The following KATNIP variants were observed in gnomAD, a reference collection of about 807,000 sequenced individuals.
The protein encoded by KATNIP is katanin interacting protein.
Under a neutral mutation model 174.0 loss-of-function variants are expected in KATNIP, and 126 were observed. The observed-to-expected ratio is 0.72, with a 90% confidence interval of 0.63 to 0.84. The LOEUF (loss-of-function observed/expected upper bound fraction) is 0.84. Ranked by LOEUF, KATNIP falls within the 40% of genes least tolerant of loss-of-function variation. KATNIP has a pLI of 0.00. For missense variants in KATNIP, 1,958 were observed against 2,109.7 expected, an observed-to-expected ratio of 0.93 and a Z score of 1.41; for synonymous variants, 810 against 835.7, an observed-to-expected ratio of 0.97 and a Z score of 0.53.
chr16:27,569,134 T>G (rs913759623), intron 1 of KATNIP, among the ~76,000 whole-genome samples: 5 of 152,256 alleles, frequency 3.3e-5, no homozygotes, highest in Admixed American at 2.0e-4. Flanking sequence ...AGCTATGTCC[T>G]GTAGACTGTA....
intron 1 of KATNIP, among the ~76,000 whole-genome samples, chr16:27,562,102 T>C (rs2089907675): frequency 6.6e-6 from 1 of 152,146 alleles, no homozygotes; most frequent in Admixed American, 6.6e-5. Flanking sequence ...ACTCAGGAGT[T>C]TGAGACCATC....
chr16:27,769,238 G>A (rs2082219562), intron 20 of KATNIP, among the ~76,000 whole-genome samples: 2 of 152,242 alleles, frequency 1.3e-5, no homozygotes, highest in Admixed American at 6.5e-5. Context: ...AGAAGCCACT[G>A]GGATGCTGCT....
intron 6 of KATNIP, among the ~76,000 whole-genome samples, chr16:27,653,328 G>GT (rs1292409432): frequency 1.3e-5 from 2 of 152,088 alleles, no homozygotes; most frequent in Non-Finnish European, 2.9e-5. Flanking sequence ...GGTGAGTCTG[G>GT]TTTTTTCTCA....
chr16:27,638,550 C>T (rs987770518), intron 5 of KATNIP, among the ~76,000 whole-genome samples: 3 of 152,110 alleles, frequency 2.0e-5, no homozygotes, highest in African/African-American at 7.2e-5. Flanking sequence ...GCAGCCAAGT[C>T]CCCAGTGGCC....
intron 5 of KATNIP, among the ~76,000 whole-genome samples, chr16:27,631,779 C>CA (rs1455823670): frequency 6.6e-6 from 1 of 152,172 alleles, no homozygotes; most frequent in African/African-American, 2.4e-5. Flanking sequence ...ATGTGCCAGG[C>CA]ACAGTTCTGG....
chr16:27,711,467 C>A (rs1342648175), intron 13 of KATNIP, among the ~76,000 whole-genome samples: 1 of 152,224 alleles, frequency 6.6e-6, no homozygotes, highest in Non-Finnish European at 1.5e-5. Context: ...GATAAAGCTT[C>A]ATTCCCTTAG....
At chr16:27,770,388 A>G (rs1237922208) in intron 21 of KATNIP, among the ~76,000 whole-genome samples, 1 of 152,202 alleles carries the variant, frequency 6.6e-6, no homozygotes, top group Non-Finnish European at 1.5e-5. Flanking sequence ...AAGGAGAAAA[A>G]TAGAGCTTAA....
intron 8 of KATNIP, among the ~76,000 whole-genome samples, chr16:27,692,419 G>A (rs1188854247): frequency 6.6e-6 from 1 of 152,136 alleles, no homozygotes; most frequent in African/African-American, 2.4e-5. Flanking sequence ...TATAATGCCA[G>A]GTGTCAGGGA....
At chr16:27,747,206 G>T (rs2081325032) in intron 15 of KATNIP, among the ~76,000 whole-genome samples, 1 of 152,190 alleles carries the variant, frequency 6.6e-6, no homozygotes. Flanking sequence ...AACCAGGGAG[G>T]TATAGTGGCT....
intron 14 of KATNIP, among the ~76,000 whole-genome samples, chr16:27,732,002 C>A (rs562627389): frequency 5.3e-5 from 8 of 152,168 alleles, no homozygotes; most frequent in Non-Finnish European, 7.3e-5. Flanking sequence ...CACATGTTAG[C>A]GCCGACCCGG....
chr16:27,653,507 C>T (rs1004710574), intron 6 of KATNIP, among the ~76,000 whole-genome samples: 2 of 151,976 alleles, frequency 1.3e-5, no homozygotes, highest in East Asian at 3.9e-4. Flanking sequence ...AGTTTCAATG[C>T]GTGGGGTTTA....
rs1234636680 is a variant in KATNIP at position 27,776,132 on chromosome 16, A to G, written c.4450-796A>G. ...CAGGCAACTGAGTTTGGAGACCCTC[A>G]CCCTGACCTTTATTGTTTCCATGGT... On this transcript the variant is annotated intron_variant, in intron 24 of 27. Transcript: ENST00000261588. This position sits in a 1 kb window ranked among gnomAD's most constrained non-coding sequence, Gnocchi z 4.7. Among the ~76,000 whole-genome samples the G allele has an allele frequency of 1.3e-5, 2 of 151,970 alleles. No homozygotes were observed. Among genetic ancestry groups the G allele is most frequent in the South Asian group, 4.2e-4 (2 of 4,810 alleles).
At chr16:27,558,258 G>C (rs1469696185) in intron 1 of KATNIP, among the ~76,000 whole-genome samples, 1 of 152,082 alleles carries the variant, frequency 6.6e-6, no homozygotes, top group East Asian at 1.9e-4. Flanking sequence ...TGATTCTCCT[G>C]CCTCAGCCTC....
intron 2 of KATNIP, among the ~76,000 whole-genome samples, chr16:27,607,731 G>A (rs527382475): frequency 2.8e-4 from 42 of 151,920 alleles, no homozygotes; most frequent in Admixed American, 2.0e-3. Context: ...CTGAATAGAT[G>A]GGATTACAGT....
intron 5 of KATNIP, 99 bp from the exon 6 acceptor site, chr16:27,648,505 C>G: frequency 7.0e-7 from 1 of 1,433,774 alleles, no homozygotes; most frequent in Non-Finnish European, 9.6e-7. Flanking sequence ...TATCTATGCC[C>G]ATAGATCCTG....
chr16:27,673,778 A>T (rs1309272062), intron 6 of KATNIP, among the ~76,000 whole-genome samples: 1 of 152,162 alleles, frequency 6.6e-6, no homozygotes, highest in South Asian at 2.1e-4. Context: ...CAAGGTAGGG[A>T]TTTGTTCATC....
rs560651182 is a variant in KATNIP at position 27,777,686 on chromosome 16, C to T, written c.4628C>T (p.Thr1543Ile). 5 of 1,613,934 alleles carry T rather than the reference C, an allele frequency of 3.1e-6. No homozygotes were observed. The highest frequency in any genetic ancestry group is 2.2e-5 in the East Asian group (1 of 44,880). The change falls in exon 26 of 28, where the codon ACA becomes ATA. Residue 1543 changes from threonine (T) to isoleucine (I), a missense_variant. By Grantham distance (89) the Thr-to-Ile change is moderately conservative. Transcript: ENST00000261588. This position sits in a 1 kb window ranked among gnomAD's most constrained non-coding sequence, Gnocchi z 4.4. ...VSHLVGGILP[T>I]CEPTVPYHTI... is the part of the protein sequence containing the mutation. ...CACCTGGTGGGGGGCATCCTGCCCACATGTGAGCCCACCGTGCCCTACCAC... is the reference window on the plus strand; with the variant it reads ...CACCTGGTGGGGGGCATCCTGCCCATATGTGAGCCCACCGTGCCCTACCAC...
At chr16:27,660,287 G>A (rs549823282) in intron 6 of KATNIP, among the ~76,000 whole-genome samples, 40 of 152,156 alleles carry the variant, frequency 2.6e-4, no homozygotes, top group Non-Finnish European at 5.3e-4. Context: ...AGTGGCTCAC[G>A]CCTGTTATCC....
intron 10 of KATNIP, 45 bp downstream of exon 10, chr16:27,699,644 G>T (rs774119707): frequency 1.2e-6 from 2 of 1,612,176 alleles, no homozygotes; most frequent in African/African-American, 1.3e-5. Flanking sequence ...ACGCATGTGC[G>T]TAGCTCCCGA....
Sources: gnomAD v4.1 joint callset for allele counts (sites outside exome capture counted in the v4.1 genomes callset) on GRCh38, gnomAD v4.1.1 for gene constraint, Gnocchi (gnomAD v3.1) non-coding constraint, MANE v1.5 for transcripts, NCBI Gene and HGNC (gene_info 2026-07-23, HGNC 2026-07-21) for gene names.